The following BICC1 variants were observed in gnomAD, a reference collection of about 807,000 sequenced individuals.
BICC1 encodes the protein protein bicaudal C homolog 1.
BICC1 carries 43 observed loss-of-function variants against 111.0 expected under a neutral mutation model. The observed-to-expected ratio is 0.39, with a 90% CI of 0.30 to 0.50. The LOEUF is 0.50. Among genes scored for constraint, BICC1 ranks in the 20% least tolerant of loss-of-function variants. The pLI is 0.88. For missense variants in BICC1, 1,091 were observed against 1,203.2 expected, an observed-to-expected ratio of 0.91 and a Z score of 1.38; for synonymous variants, 467 against 434.4, an observed-to-expected ratio of 1.07 and a Z score of -0.93.
intron 3 of BICC1, among the ~76,000 whole-genome samples, chr10:58,729,808 A>G (rs1841231101): frequency 6.6e-6 from 1 of 152,218 alleles, no homozygotes; most frequent in Admixed American, 6.5e-5. Flanking sequence ...TGACGACAGT[A>G]CCAAGGGGGA....
intron 1 of BICC1, among the ~76,000 whole-genome samples, chr10:58,541,613 T>G (rs967486554): frequency 1.3e-5 from 2 of 152,118 alleles, no homozygotes; most frequent in African/African-American, 4.8e-5. Context: ...AATATTTTGT[T>G]AAAGTATCTC....
At chr10:58,753,963 A>G (rs762972293) in intron 3 of BICC1, among the ~76,000 whole-genome samples, 7 of 152,040 alleles carry the variant, frequency 4.6e-5, no homozygotes, top group African/African-American at 7.3e-5. Flanking sequence ...TACTCACCAT[A>G]TGATAGGACT....
At chr10:58,703,679 G>A (rs1487809475) in intron 3 of BICC1, among the ~76,000 whole-genome samples, 8 of 152,158 alleles carry the variant, frequency 5.3e-5, no homozygotes, top group African/African-American at 1.7e-4. Flanking sequence ...AGAAACTGCC[G>A]TTCATGGATT....
chr10:58,589,887 C>T (rs1844551500), intron 1 of BICC1, among the ~76,000 whole-genome samples: 1 of 151,974 alleles, frequency 6.6e-6, no homozygotes, highest in Non-Finnish European at 1.5e-5. Context: ...TGCACTGCAG[C>T]CTTGAACTCG....
rs376893057 is a variant in BICC1 at position 58,657,027 on chromosome 10, C to T, written c.237+36126C>T. Among the ~76,000 whole-genome samples the T allele has an allele frequency of 3.9e-4, 60 of 152,236 alleles. No homozygotes were observed. The East Asian group carries it at 5.6e-3, about 14-fold the overall frequency. ...GAGGCACTTCTACCTTCTGCGCTAG[C>T]CTCCCTCCAGCCCCATCTTTCTCCA... is the stretch of plus-strand genomic sequence containing the variant. On this transcript the variant is annotated intron_variant, in intron 2 of 20. Coordinates refer to ENST00000373886, the MANE Select transcript of BICC1 (RefSeq NM_001080512.3).
At chr10:58,806,711 G>A (rs1843720097) in intron 16 of BICC1, 88 bp downstream of exon 16, 1 of 1,165,166 alleles carries the variant, frequency 8.6e-7, no homozygotes, top group Non-Finnish European at 1.2e-6. Context: ...TCGAGAACTT[G>A]AAAACTCAGA....
intron 3 of BICC1, among the ~76,000 whole-genome samples, chr10:58,732,166 G>A (rs887363080): frequency 6.6e-6 from 1 of 151,078 alleles, no homozygotes; most frequent in African/African-American, 2.4e-5. Flanking sequence ...CCTTCTGCTT[G>A]AACATTTAGA....
chr10:58,807,469 A>G (rs1843745038), intron 17 of BICC1, among the ~76,000 whole-genome samples: 1 of 152,196 alleles, frequency 6.6e-6, no homozygotes, highest in Non-Finnish European at 1.5e-5. Context: ...AGGGAGATGT[A>G]ATATTTCATA....
chr10:58,724,836 G>A (rs980399248), intron 3 of BICC1, among the ~76,000 whole-genome samples: 1 of 152,134 alleles, frequency 6.6e-6, no homozygotes, highest in Admixed American at 6.5e-5. Flanking sequence ...TATTTTCCTT[G>A]CACCTCCGAT....
chr10:58,737,552 T>C lies in BICC1; in HGVS notation c.307+35409T>C, dbSNP rs1191628755. ...TTCGCTATTGTGAATAGTGCCACAATAAACATAGGTGTGCATGTGTCTTTA... is the reference window on the plus strand; with the variant it reads ...TTCGCTATTGTGAATAGTGCCACAACAAACATAGGTGTGCATGTGTCTTTA... On this transcript the variant is annotated intron_variant, in intron 3 of 20. Coordinates refer to ENST00000373886, the MANE Select transcript of BICC1 (RefSeq NM_001080512.3). Among the ~76,000 whole-genome samples, 3 of 152,198 alleles carry C rather than the reference T, an allele frequency of 2.0e-5. No homozygotes were observed. The East Asian group carries it at 5.8e-4, about 29-fold the overall frequency.
chr10:58,828,091 A>G (rs1054977187), intron 20 of BICC1, among the ~76,000 whole-genome samples: 3 of 152,220 alleles, frequency 2.0e-5, no homozygotes, highest in Non-Finnish European at 4.4e-5. Flanking sequence ...CTTACTGGTA[A>G]GGCTGCTGGG....
chr10:58,690,370 A>G (rs1190219572), intron 2 of BICC1, among the ~76,000 whole-genome samples: 1 of 152,218 alleles, frequency 6.6e-6, no homozygotes, highest in Non-Finnish European at 1.5e-5. Context: ...CCATGAGGAG[A>G]CTGAAGGGAC....
intron 1 of BICC1, among the ~76,000 whole-genome samples, chr10:58,603,122 GCT>G (rs1401597841): frequency 3.9e-5 from 6 of 152,192 alleles, no homozygotes; most frequent in Non-Finnish European, 1.5e-5. Context: ...TTGAAAAACA[GCT>G]CTTTTAGGTC....
At chr10:58,633,979 T>TTTTTTTTTCTTTTCTTTTTC (rs1837874971) in intron 2 of BICC1, among the ~76,000 whole-genome samples, 1 of 146 alleles carries the variant, frequency 6.8e-3, no homozygotes, top group African/African-American at 0.012. Context: ...TTCTTTTTCT[T>TTTTTTTTTCTTTTCTTTTTC]TTTTTTTTTT....
At chr10:58,680,492 T>C (rs1044476928) in intron 2 of BICC1, among the ~76,000 whole-genome samples, 1 of 152,054 alleles carries the variant, frequency 6.6e-6, no homozygotes, top group African/African-American at 2.4e-5. Context: ...TCTTCAAGGA[T>C]AACTACAAAC....
chr10:58,570,321 G>T (rs1405465127), intron 1 of BICC1, among the ~76,000 whole-genome samples: 1 of 152,138 alleles, frequency 6.6e-6, no homozygotes, highest in Non-Finnish European at 1.5e-5. Context: ...CTCCTATTTT[G>T]CCCTGTAACA....
At chr10:58,647,880 C>A (rs774257925) in intron 2 of BICC1, among the ~76,000 whole-genome samples, 1 of 152,088 alleles carries the variant, frequency 6.6e-6, no homozygotes, top group East Asian at 1.9e-4. Context: ...TTAGCTGTGA[C>A]CAGAATTACA....
chr10:58,750,175 G>C (rs1841945385), intron 3 of BICC1, among the ~76,000 whole-genome samples: 1 of 152,112 alleles, frequency 6.6e-6, no homozygotes, highest in Non-Finnish European at 1.5e-5. Flanking sequence ...ATAGTTTATT[G>C]CTCACAGCAG....
At chr10:58,523,352 A>G (rs1291900771) in intron 1 of BICC1, among the ~76,000 whole-genome samples, 1 of 152,230 alleles carries the variant, frequency 6.6e-6, no homozygotes, top group Non-Finnish European at 1.5e-5. Flanking sequence ...AAGCTTATCC[A>G]CCACGATCAA....
Sources: gnomAD v4.1 joint callset for allele counts (sites outside exome capture counted in the v4.1 genomes callset) on GRCh38, gnomAD v4.1.1 for gene constraint, MANE v1.5 for transcripts, NCBI Gene and HGNC (gene_info 2026-07-23, HGNC 2026-07-21) for gene names.